Variants in BMPER observed in about 807,000 individuals in gnomAD.
The protein encoded by BMPER is BMP binding endothelial regulator.
A neutral mutation model predicts 87.3 loss-of-function variants in BMPER; 45 were observed. The observed-to-expected ratio is 0.52, with a 90% confidence interval of 0.41 to 0.66. The LOEUF (loss-of-function observed/expected upper bound fraction) is 0.66, where lower values mean the gene tolerates loss of function less well. BMPER is among the 30% of genes least tolerant of loss of function. The pLI, the probability that BMPER is intolerant of heterozygous loss-of-function variation, is 0.00. For missense variants in BMPER, 784 were observed against 867.5 expected (o/e 0.90, Z 1.21); for synonymous variants, 326 against 316.2 (o/e 1.03, Z -0.33).
chr7:34,109,839 A>G (rs1789915234), intron 13 of BMPER, among the ~76,000 whole-genome samples: 1 of 152,212 alleles, frequency 6.6e-6, no homozygotes, highest in African/African-American at 2.4e-5. Flanking sequence ...GACTTTCTTG[A>G]GTATAACCAG....
At chr7:33,951,948 TTTA>T (rs566240125) in intron 3 of BMPER, among the ~76,000 whole-genome samples, 3 of 152,126 alleles carry the variant, frequency 2.0e-5, no homozygotes, top group Non-Finnish European at 4.4e-5. Flanking sequence ...CCCTTGATAT[TTTA>T]TTGTTCCTTC....
At chr7:33,960,081 G>A (rs1038145245) in intron 3 of BMPER, among the ~76,000 whole-genome samples, 1 of 152,068 alleles carries the variant, frequency 6.6e-6, no homozygotes, top group African/African-American at 2.4e-5. Flanking sequence ...TTCCTAATTG[G>A]AAGCGAAGCT....
intron 13 of BMPER, among the ~76,000 whole-genome samples, chr7:34,122,168 C>A (rs747058282): frequency 4.2e-4 from 64 of 152,196 alleles, no homozygotes; most frequent in Middle Eastern, 3.4e-3. Context: ...AGCTTGTACA[C>A]AAAGACTCTG....
At chr7:34,028,602 T>TTTTTTTTG (rs1787433719) in intron 6 of BMPER, among the ~76,000 whole-genome samples, 1 of 23,484 alleles carries the variant, frequency 4.3e-5, no homozygotes, top group Non-Finnish European at 9.3e-5. Flanking sequence ...ATTTTTTCTG[T>TTTTTTTTG]TTTTTTTTTT....
chr7:34,000,929 T>A (rs78928098), intron 6 of BMPER, among the ~76,000 whole-genome samples: 7,642 of 152,132 alleles, frequency 0.05, 246 homozygotes, highest in Non-Finnish European at 0.075. Context: ...ATGCATTTTC[T>A]GCATCTATTG....
upstream of BMPER, chr7:33,905,502 G>C: frequency 6.3e-6 from 8 of 1,261,008 alleles, no homozygotes; most frequent in Non-Finnish European, 8.3e-6. Context: ...CCTCCTTCGC[G>C]GACGGTCTCC....
chr7:33,934,902 C>T (rs960668319), intron 2 of BMPER, among the ~76,000 whole-genome samples: 2 of 152,172 alleles, frequency 1.3e-5, no homozygotes, highest in African/African-American at 2.4e-5. Context: ...GAAGTTCTTT[C>T]ACAATTCTCT....
intron 6 of BMPER, among the ~76,000 whole-genome samples, chr7:33,975,335 G>C (rs1401934237): frequency 2.6e-5 from 4 of 152,164 alleles, no homozygotes; most frequent in Admixed American, 2.0e-4. Context: ...AACCTGGTCT[G>C]AGGGCTGATC....
At chr7:33,985,779 T>G (rs1376551089) in intron 6 of BMPER, among the ~76,000 whole-genome samples, 1 of 152,140 alleles carries the variant, frequency 6.6e-6, no homozygotes, top group African/African-American at 2.4e-5. Flanking sequence ...ATGTTTCTAT[T>G]GGGTAGTTAA....
At chr7:33,993,412 G>A (rs981653187) in intron 6 of BMPER, among the ~76,000 whole-genome samples, 67 of 151,974 alleles carry the variant, frequency 4.4e-4, no homozygotes, top group Non-Finnish European at 7.4e-4. Flanking sequence ...GATCACATTG[G>A]CTCCTGAGGC....
In BMPER at chr7:34,143,357, G is replaced by A. The variant is rs572680013; in HGVS notation, c.1873G>A (p.Ala625Thr). 5 of 1,613,884 alleles carry A rather than the reference G, an allele frequency of 3.1e-6. No individual in the cohort carries two copies. The highest frequency in any genetic ancestry group is 4.2e-6 in the Non-Finnish European group (5 of 1,179,876). The change falls in exon 14 of 15, where the codon GCA becomes ACA. Residue 625 changes from alanine (A) to threonine (T), a missense_variant. Transcript: ENST00000649409. ...CCACTGGGAGCCTCAGCAGAATTGT[G>A]CAGGTAAGAAAGTCCTGCTGGATCT... Reference protein sequence around the residue: ...KVHWEPQQNCAATQCKHGAVY... With the variant: ...KVHWEPQQNCTATQCKHGAVY...
intron 5 of BMPER, among the ~76,000 whole-genome samples, chr7:33,971,942 GC>G (rs1313993366): frequency 6.6e-6 from 1 of 151,926 alleles, no homozygotes; most frequent in Non-Finnish European, 1.5e-5. Context: ...TCACTCTGTC[GC>G]CCCGGCTGAA....
intron 2 of BMPER, among the ~76,000 whole-genome samples, chr7:33,917,178 A>G (rs1044347513): frequency 1.3e-5 from 2 of 152,152 alleles, no homozygotes; most frequent in Non-Finnish European, 2.9e-5. Context: ...AAAAGTCACA[A>G]TGAAAAATGT....
chr7:33,966,542 G>T lies in BMPER; in HGVS notation c.383G>T (p.Cys128Phe). The T allele has an allele frequency of 6.2e-7, 1 of 1,613,770 alleles. No homozygotes were observed. Among genetic ancestry groups the T allele is most frequent in the Non-Finnish European group, 8.5e-7 (1 of 1,179,742 alleles). ...SFKWQSPAEP[C>F]VLRQCQEGVV... ...AAATGGCAGAGCCCGGCTGAGCCTT[G>T]TGTTCTACGCCAGTGCCAGGTAAAG... is the stretch of plus-strand genomic sequence containing the variant. The change falls in exon 4 of 15, where the codon TGT (cysteine) becomes TTT (phenylalanine). Residue 128 changes from cysteine to phenylalanine, a missense_variant. Coordinates refer to ENST00000649409, the MANE Select transcript of BMPER (RefSeq NM_001365308.1).
At chr7:33,913,993 G>T (rs1196335986) in intron 2 of BMPER, among the ~76,000 whole-genome samples, 1 of 142,216 alleles carries the variant, frequency 7.0e-6, no homozygotes, top group African/African-American at 2.7e-5. Flanking sequence ...ATGGAGTCTC[G>T]CTCAGTTGCC....
rs1788934188 is a variant in BMPER at position 34,078,863 on chromosome 7, G to C, written c.1085G>C (p.Gly362Ala). 1.9e-6 allele frequency: 3 copies of C among 1,613,996 alleles called. No individual in the cohort carries two copies. The African/African-American group carries it at 4.0e-5, about 22-fold the overall frequency. ...GCCPICTEKP[G>A]VCTVFGDPHY... is the part of the protein sequence containing the mutation. Reference sequence around the variant, plus strand: ...GTCTCTCACTCCTCCGCAGAGCCCGGCGTTTGCACGGTGTTTGGAGATCCC... The same window carrying C: ...GTCTCTCACTCCTCCGCAGAGCCCGCCGTTTGCACGGTGTTTGGAGATCCC... Residue 362 changes from glycine to alanine, a missense_variant, in exon 12 of 15, where the codon GGC (glycine) becomes GCC (alanine). Gly to Ala is a moderately conservative substitution (Grantham distance 60). Transcript: ENST00000649409.
At chr7:34,006,273 A>G (rs1786732462) in intron 6 of BMPER, among the ~76,000 whole-genome samples, 1 of 152,102 alleles carries the variant, frequency 6.6e-6, no homozygotes, top group South Asian at 2.1e-4. Context: ...ATTTCACTTT[A>G]AAAGCCTTAG....
intron 7 of BMPER, among the ~76,000 whole-genome samples, chr7:34,046,975 G>C (rs550515735): frequency 6.6e-6 from 1 of 150,688 alleles, no homozygotes; most frequent in South Asian, 2.1e-4. Flanking sequence ...TGAAATGTAG[G>C]TACTAAGTAT....
rs76340391 is a variant in BMPER at position 33,920,850 on chromosome 7, G to A, written c.219+13947G>A. 3.5e-4 allele frequency among the ~76,000 whole-genome samples: 53 copies of A among 152,208 alleles called. 1 individual carries two copies. In the East Asian group the frequency reaches 9.6e-3, roughly 28 times the overall value. On this transcript the variant is annotated intron_variant, in intron 2 of 14. Coordinates refer to ENST00000649409, the MANE Select transcript of BMPER (RefSeq NM_001365308.1). Reference sequence around the variant, plus strand: ...TATGAATATAAACATAAACATATATGTTTATATTTAAATCTTGGTTAGGTA... The same window carrying A: ...TATGAATATAAACATAAACATATATATTTATATTTAAATCTTGGTTAGGTA...
Sources: gnomAD v4.1 joint callset for allele counts (sites outside exome capture counted in the v4.1 genomes callset) on GRCh38, gnomAD v4.1.1 for gene constraint, MANE v1.5 for transcripts, NCBI Gene and HGNC (gene_info 2026-07-23, HGNC 2026-07-21) for gene names.